The following OR4K13 variants were observed in gnomAD, a reference collection of about 807,000 sequenced individuals.
OR4K13 encodes the protein olfactory receptor 4K13.
For missense variants in OR4K13, 403 were observed against 366.0 expected (o/e 1.10, Z -0.82); for synonymous variants, 160 against 134.8 (o/e 1.19, Z -1.30).
rs1877516740 is a variant in OR4K13, at chr14:20,034,507, A to G, written c.252T>C (p.Asp84=). Reference sequence around the variant, plus strand: ...AGATGGTCTTACGTTCTCGGAGGAAATCTACAATCATCTTAGGGGTAGCAA... The same window carrying G: ...AGATGGTCTTACGTTCTCGGAGGAAGTCTACAATCATCTTAGGGGTAGCAA... The part of the protein sequence containing the change: ...ASFATPKMIV[D]FLRERKTISW... Residue 84 remains aspartate, a synonymous_variant, in exon 2 of 2, where the codon GAT becomes GAC. Transcript: ENST00000641904. The G allele has an allele frequency of 6.2e-7, 1 of 1,613,904 alleles. No homozygotes were observed. Among genetic ancestry groups the G allele is most frequent in the Non-Finnish European group, 8.5e-7 (1 of 1,180,002 alleles).
Position 20,034,239 on chromosome 14 carries a change from T to A in OR4K13, c.520A>T (p.Ile174Leu), listed in dbSNP as rs1343453776. 6 of 1,614,120 alleles carry A rather than the reference T, an allele frequency of 3.7e-6. No individual in the cohort carries two copies. In the South Asian group the frequency reaches 6.6e-5, roughly 18 times the overall value. The change falls in exon 2 of 2, where the codon ATA becomes TTA. Residue 174 changes from isoleucine to leucine, a missense_variant. Physicochemically the swap from Ile to Leu is conservative, Grantham distance 5. Transcript: ENST00000641904. ...LTLPFCGPNV[I>L]DSFFCDLPLV... ...GGAAGGTCACAGAAAAAGCTGTCTA[T>A]AACATTGGGACCACAGAAGGGCAAA...
rs1313251548 is a variant in OR4K13 at position 20,030,412 on chromosome 14, TAAAG to T, written c.*3428_*3431del. On this transcript the variant is annotated 3_prime_UTR_variant, in exon 2 of 2. Coordinates refer to ENST00000641904, the MANE Select transcript of OR4K13 (RefSeq NM_001004714.2). The stretch of plus-strand genomic sequence containing the variant: ...TATAAAAGCTCACAAAACCATACAC[TAAAG>T]AGTCATTTTTTCTATATGTAAACTG... The T allele has an allele frequency of 1.3e-5, 2 of 151,732 alleles. No individual in the cohort carries two copies. Among genetic ancestry groups the T allele is most frequent in the African/African-American group, 4.8e-5 (2 of 41,318 alleles). 9.4% of individuals were successfully genotyped at this position (151,732 alleles called of 1,614,324 possible). A position where few individuals can be genotyped will look rare whatever the true frequency, so the allele number is the denominator to read the frequency against.
At position 20,029,623 on chromosome 14, in the gene OR4K13, AT is replaced by A. The variant is rs1877369244; in HGVS notation, c.*4220del. 6.6e-6 allele frequency: 1 copy of A among 152,136 alleles called. No individual in the cohort carries two copies. The highest frequency in any genetic ancestry group is 2.4e-5 in the African/African-American group (1 of 41,438). The allele number at this position is 152,136 out of a possible 1,614,324, so 9.4% of individuals were successfully genotyped here. A position where few individuals can be genotyped will look rare whatever the true frequency, so the allele number is the denominator to read the frequency against. ...AACGGGAGTACTTATATGGGTAGATATTAAAATGTAATATAGGCCAGGCACA... is the reference window on the plus strand; with the variant it reads ...AACGGGAGTACTTATATGGGTAGATATAAAATGTAATATAGGCCAGGCACA... On this transcript the variant is annotated 3_prime_UTR_variant, in exon 2 of 2. Coordinates refer to ENST00000641904, the MANE Select transcript of OR4K13 (RefSeq NM_001004714.2).
Position 20,031,284 on chromosome 14 carries a change from A to G in OR4K13, c.*2560T>C, listed in dbSNP as rs1309714999. 6.6e-6 allele frequency: 1 copy of G among 152,198 alleles called. No individual in the cohort carries two copies. The highest frequency in any genetic ancestry group is 1.5e-5 in the Non-Finnish European group (1 of 68,036). 9.4% of individuals were successfully genotyped at this position (152,198 alleles called of 1,614,324 possible). ...AGGAGAGCAAGTGAATGGCAGGCAG[A>G]AGGAGGGCGGTGCCTCTACTGGCTG... On this transcript the variant is annotated 3_prime_UTR_variant, in exon 2 of 2. Coordinates refer to ENST00000641904, the MANE Select transcript of OR4K13 (RefSeq NM_001004714.2).
In OR4K13 at chr14:20,029,944, A is replaced by G. The variant is rs1877377605; in HGVS notation, c.*3900T>C. On this transcript the variant is annotated 3_prime_UTR_variant, in exon 2 of 2. Transcript: ENST00000641904. ...ATCTCAAAAAAACAAATAAAATAAA[A>G]TAATAAAATGTAATATAGATTTACA... 1 of 151,988 alleles carries G rather than the reference A, an allele frequency of 6.6e-6. No individual in the cohort carries two copies. Among genetic ancestry groups the G allele is most frequent in the Non-Finnish European group, 1.5e-5 (1 of 67,990 alleles). 9.4% of individuals were successfully genotyped at this position (151,988 alleles called of 1,614,324 possible).
rs1877469683 is a variant in OR4K13, at chr14:20,033,398, CAATAAT to C, written c.*440_*445del. 1.3e-5 allele frequency: 2 copies of C among 154,256 alleles called. No homozygotes were observed. Among genetic ancestry groups the C allele is most frequent in the African/African-American group, 4.8e-5 (2 of 41,424 alleles). 9.6% of individuals were successfully genotyped at this position (154,256 alleles called of 1,614,324 possible). On this transcript the variant is annotated 3_prime_UTR_variant, in exon 2 of 2. Transcript: ENST00000641904. ...CCAATAACAACAACAAAAAACCTAA[CAATAAT>C]AATGTGTTTTCTGAGGTTTAAGAGC...
chr14:20,034,142 A>G lies in OR4K13; in HGVS notation c.617T>C (p.Leu206Pro). ...CAAGAGGAGGAAGCAGACCAGTGACAGGAGCCCACTGTCAGCAATGACCAG... is the reference window on the plus strand; with the variant it reads ...CAAGAGGAGGAAGCAGACCAGTGACGGGAGCCCACTGTCAGCAATGACCAG... Reference protein sequence around the residue: ...QLLVIADSGLLSLVCFLLLLV... With the variant: ...QLLVIADSGLPSLVCFLLLLV... The change falls in exon 2 of 2, where the codon CTG becomes CCG. Residue 206 changes from leucine to proline, a missense_variant. Coordinates refer to ENST00000641904, the MANE Select transcript of OR4K13 (RefSeq NM_001004714.2). The G allele has an allele frequency of 1.2e-6, 2 of 1,614,174 alleles. No individual in the cohort carries two copies. The highest frequency in any genetic ancestry group is 1.7e-6 in the Non-Finnish European group (2 of 1,180,028).
Position 20,034,232 on chromosome 14 carries a change from C to T in OR4K13, c.527G>A (p.Ser176Asn). Residue 176 changes from serine to asparagine, a missense_variant, in exon 2 of 2, where the codon AGC (serine) becomes AAC (asparagine). By Grantham distance (46) the Ser-to-Asn change is conservative. Transcript: ENST00000641904. ...CACAAGGGGAAGGTCACAGAAAAAG[C>T]TGTCTATAACATTGGGACCACAGAA... is the stretch of plus-strand genomic sequence containing the variant. ...LPFCGPNVID[S>N]FFCDLPLVIK... 6.2e-7 allele frequency: 1 copy of T among 1,614,146 alleles called. No individual in the cohort carries two copies. The highest frequency in any genetic ancestry group is 2.2e-5 in the East Asian group (1 of 44,868).
rs1877508082 is a variant in OR4K13 at position 20,034,323 on chromosome 14, A to G, written c.436T>C (p.Leu146=). The G allele has an allele frequency of 6.2e-7, 1 of 1,614,022 alleles. No individual in the cohort carries two copies. Among genetic ancestry groups the G allele is most frequent in the Admixed American group, 1.7e-5 (1 of 59,980 alleles). The change falls in exon 2 of 2, where the codon TTA becomes CTA. Residue 146 remains leucine, a synonymous_variant. Transcript: ENST00000641904. The stretch of plus-strand genomic sequence containing the variant: ...ACAAATCCAACTGCATAGGAGGATA[A>G]CAGTAGCCCAGTGAGCACCCGTGGG... ...MSPRVLTGLL[L]SSYAVGFVHS...
rs1018543458 is a variant in OR4K13 at position 20,029,744 on chromosome 14, C to T, written c.*4100G>A. 1.3e-5 allele frequency: 2 copies of T among 151,828 alleles called. No individual in the cohort carries two copies. Among genetic ancestry groups the T allele is most frequent in the Non-Finnish European group, 2.9e-5 (2 of 67,970 alleles). 9.4% of individuals were successfully genotyped at this position (151,828 alleles called of 1,614,324 possible). A position where few individuals can be genotyped will look rare whatever the true frequency, so the allele number is the denominator to read the frequency against. ...TTCGAGACCAGCCTGGCCAATATGA[C>T]AAAACTTTGTCTCTACCAAAAATAC... On this transcript the variant is annotated 3_prime_UTR_variant, in exon 2 of 2. Transcript: ENST00000641904.
At position 20,033,434 on chromosome 14, in the gene OR4K13, T is replaced by C. The variant is rs1877470433; in HGVS notation, c.*410A>G. The C allele has an allele frequency of 6.4e-6, 1 of 157,192 alleles. No individual in the cohort carries two copies. The highest frequency in any genetic ancestry group is 1.4e-5 in the Non-Finnish European group (1 of 71,372). 9.7% of individuals were successfully genotyped at this position (157,192 alleles called of 1,614,324 possible). A position where few individuals can be genotyped will look rare whatever the true frequency, so the allele number is the denominator to read the frequency against. ...TGTTTTCTGAGGTTTAAGAGCATGC[T>C]AAAATAATAATGAAAGATGCATATA... On this transcript the variant is annotated 3_prime_UTR_variant, in exon 2 of 2. Transcript: ENST00000641904.
rs1877492910 is a variant in OR4K13, at chr14:20,034,025, G to C, written c.734C>G (p.Thr245Arg). ...KAFSTLSAHI[T>R]VVTLFFAPCV... ...CGGAGCAAAGAACAGAGTCACAACT[G>C]TGATGTGAGCTGAGAGAGTGGAGAA... is the stretch of plus-strand genomic sequence containing the variant. Residue 245 changes from threonine to arginine, a missense_variant, in exon 2 of 2, where the codon ACA becomes AGA. Thr to Arg is a moderately conservative substitution (Grantham distance 71). Coordinates refer to ENST00000641904, the MANE Select transcript of OR4K13 (RefSeq NM_001004714.2). 1 of 1,614,068 alleles carries C rather than the reference G, an allele frequency of 6.2e-7. No homozygotes were observed. The highest frequency in any genetic ancestry group is 1.3e-5 in the African/African-American group (1 of 75,056).
Position 20,034,897 on chromosome 14 carries a change from T to G in OR4K13, c.-139A>C. 1 of 665,644 alleles carries G rather than the reference T, an allele frequency of 1.5e-6. No homozygotes were observed. The highest frequency in any genetic ancestry group is 2.5e-6 in the Non-Finnish European group (1 of 400,832). The allele number at this position is 665,644 out of a possible 1,614,324, so 41.2% of individuals were successfully genotyped here. A position where few individuals can be genotyped will look rare whatever the true frequency, so the allele number is the denominator to read the frequency against. ...CACTTGAACTTACAAGGACCCTTAC[T>G]TTTGTGGAATTTTGTCAGTCAGTGA... On this transcript the variant is annotated 5_prime_UTR_variant, in exon 2 of 2. Transcript: ENST00000641904.
At position 20,031,270 on chromosome 14, in the gene OR4K13, T is replaced by G. The variant is rs1246448431; in HGVS notation, c.*2574A>C. 1 of 152,014 alleles carries G rather than the reference T, an allele frequency of 6.6e-6. No homozygotes were observed. Among genetic ancestry groups the G allele is most frequent in the Admixed American group, 6.5e-5 (1 of 15,272 alleles). The allele number at this position is 152,014 out of a possible 1,614,324, so 9.4% of individuals were successfully genotyped here. A position where few individuals can be genotyped will look rare whatever the true frequency, so the allele number is the denominator to read the frequency against. ...ATCACGTGCTTAGAAGGAGAGCAAG[T>G]GAATGGCAGGCAGAAGGAGGGCGGT... On this transcript the variant is annotated 3_prime_UTR_variant, in exon 2 of 2. Transcript: ENST00000641904.
chr14:20,034,416 G>A lies in OR4K13; in HGVS notation c.343C>T (p.Leu115Phe). 1 of 1,613,978 alleles carries A rather than the reference G, an allele frequency of 6.2e-7. No homozygotes were observed. Among genetic ancestry groups the A allele is most frequent in the Non-Finnish European group, 8.5e-7 (1 of 1,179,976 alleles). The part of the protein sequence containing the change: ...HLLGGSEMML[L>F]VAMAIDRYVA... ...TACCTGTCTATTGCCATGGCTACAAGCAACATCATCTCACTCCCACCCAGG... is the reference window on the plus strand; with the variant it reads ...TACCTGTCTATTGCCATGGCTACAAACAACATCATCTCACTCCCACCCAGG... The change falls in exon 2 of 2, where the codon CTT becomes TTT. Residue 115 changes from leucine (L) to phenylalanine (F), a missense_variant. Leu to Phe is a conservative substitution (Grantham distance 22, BLOSUM62 0). Transcript: ENST00000641904.
Position 20,034,112 on chromosome 14 carries a change from A to C in OR4K13, c.647T>G (p.Val216Gly), listed in dbSNP as rs1877498016. The C allele has an allele frequency of 5.0e-6, 8 of 1,613,986 alleles. No homozygotes were observed. The African/African-American group carries it at 1.1e-4, about 22-fold the overall frequency. Residue 216 changes from valine to glycine, a missense_variant, in exon 2 of 2, where the codon GTC (valine) becomes GGC (glycine). Coordinates refer to ENST00000641904, the MANE Select transcript of OR4K13 (RefSeq NM_001004714.2). ...LSLVCFLLLL[V>G]SYGVIIFSVR... is the part of the protein sequence containing the mutation. ...TGAGAATATTATGACTCCATAGGAG[A>C]CAAGCAAGAGGAGGAAGCAGACCAG...
chr14:20,031,364 G>A lies in OR4K13; in HGVS notation c.*2480C>T, dbSNP rs1877414777. 1 of 151,970 alleles carries A rather than the reference G, an allele frequency of 6.6e-6. No individual in the cohort carries two copies. Among genetic ancestry groups the A allele is most frequent in the Non-Finnish European group, 1.5e-5 (1 of 67,988 alleles). 9.4% of individuals were successfully genotyped at this position (151,970 alleles called of 1,614,324 possible). On this transcript the variant is annotated 3_prime_UTR_variant, in exon 2 of 2. Transcript: ENST00000641904. ...TGATAGTAGCTAGCATGTTGGGAGA[G>A]GGAAAAAATAACTCCTTCTAATAAA...
At position 20,034,182 on chromosome 14, in the gene OR4K13, A is replaced by T. The variant is rs201972592; in HGVS notation, c.577T>A (p.Tyr193Asn). 223 of 1,614,154 alleles carry T rather than the reference A, an allele frequency of 1.4e-4. 1 individual carries two copies. In the Admixed American group the frequency reaches 3.7e-3, roughly 27 times the overall value. The part of the protein sequence containing the change: ...LVIKLACKDT[Y>N]ILQLLVIADS... ...GCAATGACCAGGAGCTGTAGGATGT[A>T]GGTGTCCTTGCAGGCAAGTTTAATC... is the stretch of plus-strand genomic sequence containing the variant. The change falls in exon 2 of 2, where the codon TAC becomes AAC. Residue 193 changes from tyrosine (Y) to asparagine (N), a missense_variant. Tyr to Asn is a moderately radical substitution (Grantham distance 143). Transcript: ENST00000641904.
In OR4K13 at chr14:20,029,942, A is replaced by T. The variant is rs1041899625; in HGVS notation, c.*3902T>A. On this transcript the variant is annotated 3_prime_UTR_variant, in exon 2 of 2. Coordinates refer to ENST00000641904, the MANE Select transcript of OR4K13 (RefSeq NM_001004714.2). ...CCATCTCAAAAAAACAAATAAAATA[A>T]AATAATAAAATGTAATATAGATTTA... is the stretch of plus-strand genomic sequence containing the variant. 2.6e-5 allele frequency: 4 copies of T among 151,994 alleles called. No homozygotes were observed. The highest frequency in any genetic ancestry group is 1.3e-4 in the Admixed American group (2 of 15,238). The allele number at this position is 151,994 out of a possible 1,614,324, so 9.4% of individuals were successfully genotyped here.
Sources: gnomAD v4.1 joint callset for allele counts on GRCh38, gnomAD v4.1.1 for gene constraint, MANE v1.5 for transcripts, NCBI Gene and HGNC (gene_info 2026-07-23, HGNC 2026-07-21) for gene names.